Variants in TNIK observed in about 807,000 individuals in gnomAD.
The protein encoded by TNIK is TRAF2 and NCK interacting kinase, also known as TRAF2 and NCK-interacting protein kinase.
In TNIK, 49 loss-of-function variants were observed where a neutral mutation model predicts 191.3. That is an observed-to-expected ratio of 0.26 (90% confidence interval 0.20 to 0.32). TNIK has a LOEUF of 0.32. Ranked by LOEUF, TNIK falls within the 10% of genes least tolerant of loss-of-function variation. TNIK has a pLI of 1.00. For missense variants in TNIK, 1,155 were observed against 1,702.3 expected (o/e 0.68, Z 5.66); for synonymous variants, 594 against 600.9 (o/e 0.99, Z 0.17).
intron 18 of TNIK, 103 bp from the exon 19 acceptor site, chr3:171,110,980 A>C: frequency 3.7e-5 from 43 of 1,169,034 alleles, no homozygotes; most frequent in South Asian, 4.4e-5. Flanking sequence ...TAAGGAACTC[A>C]AAACAGCTCA....
chr3:171,376,988 G>T (rs938507408), intron 1 of TNIK, among the ~76,000 whole-genome samples: 1 of 152,144 alleles, frequency 6.6e-6, no homozygotes, highest in Non-Finnish European at 1.5e-5. Context: ...TGTAATTTGG[G>T]AAAGTGCCCT....
At chr3:171,185,862 T>C (rs1737302125) in intron 7 of TNIK, among the ~76,000 whole-genome samples, 1 of 152,258 alleles carries the variant, frequency 6.6e-6, no homozygotes, top group Non-Finnish European at 1.5e-5. Flanking sequence ...GAAAGGACTT[T>C]TGTGGTAAGA....
Position 171,084,323 on chromosome 3 carries a change from G to T in TNIK, c.3001C>A (p.Leu1001Met). The change falls in exon 26 of 33, where the codon CTG becomes ATG. Residue 1001 changes from leucine (L) to methionine (M), a missense_variant and splice_region_variant. Transcript: ENST00000436636. ...EEDEESSAAA[L>M]FTSELLRQEQ... ...TGCCTAAGAAGTTCGCTAGTAAACA[G>T]AGCTTTGAGAAAAAGAATCAGAGAA... 4 of 1,608,240 alleles carry T rather than the reference G, an allele frequency of 2.5e-6. No homozygotes were observed. The highest frequency in any genetic ancestry group is 3.4e-6 in the Non-Finnish European group (4 of 1,175,834).
intron 2 of TNIK, among the ~76,000 whole-genome samples, chr3:171,329,280 A>G (rs1756153045): frequency 6.6e-6 from 1 of 152,200 alleles, no homozygotes; most frequent in African/African-American, 2.4e-5. Context: ...ATACCATGGT[A>G]AGTATTTTTC....
chr3:171,410,597 G>A (rs1199222673), intron 1 of TNIK, among the ~76,000 whole-genome samples: 1 of 151,948 alleles, frequency 6.6e-6, no homozygotes, highest in Non-Finnish European at 1.5e-5. Flanking sequence ...GGCTAACACG[G>A]TGAAACCCCG....
chr3:171,405,891 AG>A (rs1721606374), intron 1 of TNIK, among the ~76,000 whole-genome samples: 1 of 152,230 alleles, frequency 6.6e-6, no homozygotes, highest in Non-Finnish European at 1.5e-5. Context: ...AGCCAGGTTG[AG>A]GGCAAGTAAG....
At position 171,059,974 on chromosome 3, in the gene TNIK, A is replaced by G. The variant is rs1261352018; in HGVS notation, c.*3907T>C. 2.0e-5 allele frequency among the ~76,000 whole-genome samples: 3 copies of G among 152,218 alleles called. No individual in the cohort carries two copies. The highest frequency in any genetic ancestry group is 4.4e-5 in the Non-Finnish European group (3 of 68,030). The stretch of plus-strand genomic sequence containing the variant: ...TTATCAGCATGCTGTGGATTTTCTC[A>G]TGTTTTCCTGCAGTAGGTTAAAATT... On this transcript the variant is annotated 3_prime_UTR_variant, in exon 33 of 33. Transcript: ENST00000436636.
chr3:171,145,938 T>G (rs143480053), intron 12 of TNIK, among the ~76,000 whole-genome samples: 2 of 152,336 alleles, frequency 1.3e-5, no homozygotes, highest in East Asian at 3.9e-4. Flanking sequence ...AATAGCTGAA[T>G]AAAGCTAACC....
chr3:171,270,277 C>T (rs1350212269), intron 2 of TNIK, among the ~76,000 whole-genome samples: 2 of 152,148 alleles, frequency 1.3e-5, no homozygotes, highest in Admixed American at 1.3e-4. Context: ...ATTTACAATA[C>T]TGTTTGGTTA....
At chr3:171,217,870 T>C (rs1210468631) in intron 3 of TNIK, among the ~76,000 whole-genome samples, 1 of 152,264 alleles carries the variant, frequency 6.6e-6, no homozygotes, top group East Asian at 1.9e-4. Context: ...TGTAGTGTGA[T>C]TGGGATAGAA....
At chr3:171,403,650 GAATAGA>G (rs1238241506) in intron 1 of TNIK, among the ~76,000 whole-genome samples, 2 of 150,548 alleles carry the variant, frequency 1.3e-5, no homozygotes, top group African/African-American at 4.9e-5. Context: ...AAAAGGGGGT[GAATAGA>G]AATAGATCCA....
At chr3:171,311,247 T>C (rs1163537659) in intron 2 of TNIK, among the ~76,000 whole-genome samples, 1 of 152,180 alleles carries the variant, frequency 6.6e-6, no homozygotes, top group African/African-American at 2.4e-5. Context: ...TTTCACTGAT[T>C]AACATTATAC....
chr3:171,170,072 G>A (rs930996217), intron 9 of TNIK, among the ~76,000 whole-genome samples: 16 of 152,204 alleles, frequency 1.1e-4, no homozygotes. Context: ...ACTGTTTGCT[G>A]AGTGTTCTAA....
chr3:171,091,452 C>G (rs1320387842), intron 23 of TNIK, among the ~76,000 whole-genome samples: 1 of 152,118 alleles, frequency 6.6e-6, no homozygotes, highest in Admixed American at 6.5e-5. Flanking sequence ...CATAATGAAG[C>G]AGTCTCTCGG....
intron 11 of TNIK, among the ~76,000 whole-genome samples, chr3:171,160,505 C>A (rs1054131094): frequency 1.4e-4 from 21 of 151,450 alleles, no homozygotes; most frequent in Non-Finnish European, 2.7e-4. Context: ...GCAATTCCCC[C>A]CAAGTCTTAC....
At chr3:171,453,283 T>A (rs1035524443) in intron 1 of TNIK, among the ~76,000 whole-genome samples, 2 of 151,984 alleles carry the variant, frequency 1.3e-5, no homozygotes, top group Non-Finnish European at 2.9e-5. Flanking sequence ...ATGAAAGAGG[T>A]GTGAGGTCAG....
In TNIK at chr3:171,347,237, G is replaced by C. The variant is rs202127952; in HGVS notation, c.123+22383C>G. 1.4e-5 allele frequency: 20 copies of C among 1,448,198 alleles called. No individual in the cohort carries two copies. In the South Asian group the frequency reaches 1.8e-4, roughly 13 times the overall value. The allele number at this position is 1,448,198 out of a possible 1,614,324, so 89.7% of individuals were successfully genotyped here. On this transcript the variant is annotated intron_variant, in intron 2 of 32. Transcript: ENST00000436636. ...TCATTTGCTGAAAAAAAAAAAAAAA[G>C]AAAAGAAAAATGACAAAACCCTAGC...
chr3:171,282,341 G>A (rs113400939), intron 2 of TNIK, among the ~76,000 whole-genome samples: 1 of 79,950 alleles, frequency 1.3e-5, no homozygotes, highest in Non-Finnish European at 2.6e-5. Context: ...ATGGTTTTTT[G>A]TTTTTTTTTT....
At chr3:171,118,519 T>G (rs1259507581) in intron 18 of TNIK, among the ~76,000 whole-genome samples, 2 of 151,932 alleles carry the variant, frequency 1.3e-5, no homozygotes, top group African/African-American at 4.8e-5. Context: ...GGAGGCATCA[T>G]GCTACCTGAC....
Sources: gnomAD v4.1 joint callset for allele counts (sites outside exome capture counted in the v4.1 genomes callset) on GRCh38, gnomAD v4.1.1 for gene constraint, MANE v1.5 for transcripts, NCBI Gene and HGNC (gene_info 2026-07-23, HGNC 2026-07-21) for gene names.